The following SPINK9 variants were observed in gnomAD, a reference collection of about 807,000 sequenced individuals.
SPINK9 encodes the protein serine protease inhibitor Kazal-type 9.
A neutral mutation model predicts 10.8 loss-of-function variants in SPINK9; 3 were observed. That is an observed-to-expected ratio of 0.28 (90% CI 0.13 to 0.72). The LOEUF (loss-of-function observed/expected upper bound fraction) is 0.72. SPINK9 is among the 30% of genes least tolerant of loss of function. The pLI is 0.74. For synonymous variants in SPINK9, 30 were observed against 31.2 expected, an observed-to-expected ratio of 0.96 and a Z score of 0.12; for missense variants, 101 against 103.2, an observed-to-expected ratio of 0.98 and a Z score of 0.09.
At chr5:148,329,159 A>G (rs969990057) in intron 2 of SPINK9, among the ~76,000 whole-genome samples, 5 of 152,124 alleles carry the variant, frequency 3.3e-5, no homozygotes, top group African/African-American at 7.2e-5. Flanking sequence ...TTGGTAAGCT[A>G]TTAATTATTG....
intron 2 of SPINK9, 89 bp downstream of exon 2, chr5:148,336,542 T>C (rs899531254): frequency 2.7e-5 from 36 of 1,341,880 alleles, no homozygotes; most frequent in Non-Finnish European, 3.8e-5. Flanking sequence ...AATTTCTATA[T>C]GTTTGAATAT....
At chr5:148,339,542 C>A in intron 3 of SPINK9, 125 bp from the exon 4 acceptor site, 2 of 780,628 alleles carry the variant, frequency 2.6e-6, no homozygotes, top group Non-Finnish European at 2.1e-6. Flanking sequence ...GCAGTCACTC[C>A]TTTTAAAAAC....
intron 2 of SPINK9, among the ~76,000 whole-genome samples, chr5:148,336,926 T>C (rs956673774): frequency 1.5e-4 from 23 of 152,174 alleles, no homozygotes; most frequent in African/African-American, 5.3e-4. Context: ...TGAAAAAATC[T>C]AGGTGTGGTA....
chr5:148,324,821 A>C, intron 2 of SPINK9, among the ~76,000 whole-genome samples: 1 of 151,908 alleles, frequency 6.6e-6, no homozygotes, highest in South Asian at 2.1e-4. Flanking sequence ...TTAAAATATA[A>C]ATTTCAGTAG....
At chr5:148,331,147 G>C (rs1757144026), upstream of SPINK9, among the ~76,000 whole-genome samples, 1 of 152,202 alleles carries the variant, frequency 6.6e-6, no homozygotes, top group African/African-American at 2.4e-5. Flanking sequence ...ACCTCAGTTG[G>C]AAATGCAGAA....
chr5:148,339,645 T>A, intron 3 of SPINK9, 22 bp from the exon 4 acceptor site: 5 of 1,609,492 alleles, frequency 3.1e-6, no homozygotes, highest in Non-Finnish European at 4.2e-6. Context: ...ATTTCTCATT[T>A]GTTGCTATAT....
intron 1 of SPINK9, among the ~76,000 whole-genome samples, chr5:148,322,222 T>C (rs1044882359): frequency 6.6e-6 from 1 of 152,226 alleles, no homozygotes; most frequent in Non-Finnish European, 1.5e-5. Context: ...GACACAGGTA[T>C]ACTCTGTAAT....
At chr5:148,324,779 CAGAG>C (rs145833356) in intron 2 of SPINK9, among the ~76,000 whole-genome samples, 2,173 of 150,308 alleles carry the variant, frequency 0.014, 55 homozygotes, top group African/African-American at 0.047. Flanking sequence ...TTTGTACCCT[CAGAG>C]AGAGAGAGAG....
chr5:148,328,436 T>C (rs924533204), intron 2 of SPINK9, among the ~76,000 whole-genome samples: 1 of 152,332 alleles, frequency 6.6e-6, no homozygotes, highest in Non-Finnish European at 1.5e-5. Flanking sequence ...TATACAAGCA[T>C]GTCATCTGCA....
chr5:148,327,298 A>G (rs1167241291), intron 2 of SPINK9, among the ~76,000 whole-genome samples: 1 of 152,182 alleles, frequency 6.6e-6, no homozygotes, highest in African/African-American at 2.4e-5. Context: ...TTGGCCGCAT[A>G]AATGTCTTCT....
At chr5:148,331,050 C>T (rs561969652), upstream of SPINK9, among the ~76,000 whole-genome samples, 47 of 152,332 alleles carry the variant, frequency 3.1e-4, no homozygotes, top group South Asian at 1.7e-3. Flanking sequence ...TGAGGTGATG[C>T]CTCGCCCTGC....
upstream of SPINK9, among the ~76,000 whole-genome samples, chr5:148,330,927 C>T (rs909941986): frequency 6.6e-6 from 1 of 152,164 alleles, no homozygotes; most frequent in Non-Finnish European, 1.5e-5. Flanking sequence ...GTTTGCTAAG[C>T]CCGATGGAAA....
In SPINK9 at chr5:148,329,138, CT is replaced by C. The variant is rs1302951778; in HGVS notation, c.118+5278del. 3.3e-5 allele frequency among the ~76,000 whole-genome samples: 5 copies of C among 151,926 alleles called. No homozygotes were observed. The South Asian group carries it at 1.0e-3, about 32-fold the overall frequency. ...GGCTGTGAATCCATCTGGTCCTGGA[CT>C]TTTTTTTGTTTGGTAAGCTATTAAT... On this transcript the variant is annotated intron_variant, in intron 2 of 4. Coordinates refer to the SPINK9 transcript ENST00000511717.
chr5:148,331,398 C>T (rs948356221), upstream of SPINK9, among the ~76,000 whole-genome samples: 1 of 152,166 alleles, frequency 6.6e-6, no homozygotes, highest in Non-Finnish European at 1.5e-5. Context: ...TACGTGATCT[C>T]ACTTATATGT....
At chr5:148,338,857 T>C (rs1757252162) in intron 3 of SPINK9, among the ~76,000 whole-genome samples, 1 of 152,154 alleles carries the variant, frequency 6.6e-6, no homozygotes. Context: ...CTAGTTCAAC[T>C]TCCACTTGAT....
intron 2 of SPINK9, among the ~76,000 whole-genome samples, chr5:148,329,615 T>C (rs1290487056): frequency 6.6e-6 from 1 of 152,238 alleles, no homozygotes; most frequent in Non-Finnish European, 1.5e-5. Context: ...CAATTTTAGA[T>C]CTTTCCTGCT....
At chr5:148,335,805 A>G (rs1757209999) in intron 1 of SPINK9, 137 bp downstream of exon 1, 3 of 977,198 alleles carry the variant, frequency 3.1e-6, no homozygotes, top group Non-Finnish European at 4.6e-6. Context: ...TTTTGCCTCA[A>G]CCAACGAATT....
At chr5:148,338,117 T>C (rs1190136620) in intron 2 of SPINK9, among the ~76,000 whole-genome samples, 1 of 152,102 alleles carries the variant, frequency 6.6e-6, no homozygotes, top group African/African-American at 2.4e-5. Context: ...ACAGAAATAG[T>C]AGGATAATTC....
At chr5:148,327,250 C>T (rs531798522) in intron 2 of SPINK9, among the ~76,000 whole-genome samples, 1 of 152,328 alleles carries the variant, frequency 6.6e-6, no homozygotes, top group Admixed American at 6.5e-5. Context: ...ATTTGCATTT[C>T]TCTGATGGCC....
Sources: gnomAD v4.1 joint callset for allele counts (sites outside exome capture counted in the v4.1 genomes callset) on GRCh38, gnomAD v4.1.1 for gene constraint, MANE v1.5 for transcripts, NCBI Gene and HGNC (gene_info 2026-07-23, HGNC 2026-07-21) for gene names.